BLOC1S5: variants seen among roughly 807,000 people sequenced by gnomAD.
The protein encoded by BLOC1S5 is biogenesis of lysosome-related organelles complex 1 subunit 5.
BLOC1S5 carries 27 observed loss-of-function variants against 24.3 expected under a neutral mutation model. The ratio of observed to expected loss-of-function variants is 1.11; its 90% CI spans 0.82 to 1.53. BLOC1S5 has a LOEUF of 1.53. Among genes scored for constraint, BLOC1S5 ranks in the 40% most tolerant of loss-of-function variants. The pLI is 0.00. For synonymous variants in BLOC1S5, 84 were observed against 74.5 expected (o/e 1.13, Z -0.66); for missense variants, 239 against 229.4 (o/e 1.04, Z -0.27).
chr6:8,029,262 T>A (rs1763210132), intron 3 of BLOC1S5, among the ~76,000 whole-genome samples: 1 of 152,132 alleles, frequency 6.6e-6, no homozygotes, highest in Non-Finnish European at 1.5e-5. Context: ...AACATGAGGA[T>A]AAGACAGTTC....
chr6:8,027,590 C>G lies in BLOC1S5; in HGVS notation c.326-1165G>C, dbSNP rs575560107. Among the ~76,000 whole-genome samples the G allele has an allele frequency of 2.6e-5, 4 of 152,262 alleles. No homozygotes were observed. In the East Asian group the frequency reaches 7.7e-4, roughly 29 times the overall value. ...GGCTCACGCCTGTAATCCCAGCACT[C>G]TGGGAGGCCGTGGCGGGCAGATCAC... On this transcript the variant is annotated intron_variant, in intron 3 of 4. Coordinates refer to ENST00000397457, the MANE Select transcript of BLOC1S5 (RefSeq NM_201280.3).
intron 2 of BLOC1S5, among the ~76,000 whole-genome samples, chr6:8,047,741 T>A (rs896279039): frequency 6.6e-6 from 1 of 152,230 alleles, no homozygotes; most frequent in African/African-American, 2.4e-5. Context: ...TTCCTGTAAA[T>A]TAGTCGTTAG....
At position 8,062,542 on chromosome 6, in the gene BLOC1S5, C is replaced by CT. The variant is rs769005312; in HGVS notation, c.186dup (p.Glu63ArgfsTer3). 2.5e-6 allele frequency: 4 copies of CT among 1,580,248 alleles called. No homozygotes were observed. Among genetic ancestry groups the CT allele is most frequent in the Non-Finnish European group, 3.5e-6 (4 of 1,155,482 alleles). On this transcript the variant is annotated frameshift_variant, in exon 2 of 5. Coordinates refer to ENST00000397457, the MANE Select transcript of BLOC1S5 (RefSeq NM_201280.3). LOFTEE classifies it high-confidence loss of function. ...TAAGTTTAAATACTCACTTCAAATT[C>CT]TTTTACAAAATAACGAGTTTCACCT...
chr6:8,039,422 A>G (rs963937049), intron 3 of BLOC1S5, among the ~76,000 whole-genome samples: 3 of 152,206 alleles, frequency 2.0e-5, no homozygotes, highest in African/African-American at 7.2e-5. Context: ...ATATAATTCA[A>G]AATAGCTAGA....
At chr6:8,049,998 C>T (rs990657693) in intron 2 of BLOC1S5, among the ~76,000 whole-genome samples, 28 of 152,156 alleles carry the variant, frequency 1.8e-4, no homozygotes, top group African/African-American at 6.0e-4. Context: ...AGGTGTGAGC[C>T]ACTGTGTCCG....
chr6:8,037,315 T>C lies in BLOC1S5; in HGVS notation c.325+3824A>G, dbSNP rs1159343523. On this transcript the variant is annotated intron_variant, in intron 3 of 4. Transcript: ENST00000397457. ...AAATCAACATACAAAATCCATAGCA[T>C]TTATATATGCCAACAGCAAGCAATC... 2.0e-5 allele frequency among the ~76,000 whole-genome samples: 3 copies of C among 152,184 alleles called. No homozygotes were observed. The East Asian group carries it at 5.8e-4, about 29-fold the overall frequency.
chr6:8,035,009 G>C (rs1763439250), intron 3 of BLOC1S5, among the ~76,000 whole-genome samples: 1 of 151,910 alleles, frequency 6.6e-6, no homozygotes, highest in African/African-American at 2.4e-5. Context: ...ATACTATTCA[G>C]CCATAAAAAG....
chr6:8,054,852 T>C lies in BLOC1S5; in HGVS notation c.195+7682A>G, dbSNP rs866669471. 2.6e-5 allele frequency among the ~76,000 whole-genome samples: 4 copies of C among 152,304 alleles called. No individual in the cohort carries two copies. The South Asian group carries it at 6.2e-4, about 24-fold the overall frequency. ...TTGTATTTATATTTGCTCTATTACA[T>C]CGCTTTGGTCTTTTTTCTAGTGGCT... On this transcript the variant is annotated intron_variant, in intron 2 of 4. Transcript: ENST00000397457.
chr6:8,019,802 G>A (rs1459225928), intron 4 of BLOC1S5, among the ~76,000 whole-genome samples: 1 of 152,172 alleles, frequency 6.6e-6, no homozygotes, highest in Non-Finnish European at 1.5e-5. Flanking sequence ...TTCTGATTCC[G>A]AGCCTACTTG....
At chr6:8,016,325 C>CAAAA (rs546943980) in intron 4 of BLOC1S5, among the ~76,000 whole-genome samples, 28 of 140,648 alleles carry the variant, frequency 2.0e-4, no homozygotes, top group African/African-American at 3.8e-4. Context: ...GACTCCGTCT[C>CAAAA]AAAAAAAAAA....
intron 4 of BLOC1S5, 64 bp from the exon 5 acceptor site, chr6:8,015,892 CTT>C: frequency 1.4e-6 from 2 of 1,414,354 alleles, no homozygotes; most frequent in Non-Finnish European, 1.9e-6. Flanking sequence ...AACGTTATCT[CTT>C]GATACTTGGT....
intron 2 of BLOC1S5, among the ~76,000 whole-genome samples, chr6:8,049,859 A>G (rs957740162): frequency 6.6e-6 from 1 of 151,952 alleles, no homozygotes; most frequent in Non-Finnish European, 1.5e-5. Context: ...AACAGGCACA[A>G]GCCACTATGC....
chr6:8,025,597 C>T (rs1763075871), intron 4 of BLOC1S5, among the ~76,000 whole-genome samples: 1 of 152,172 alleles, frequency 6.6e-6, no homozygotes, highest in South Asian at 2.1e-4. Context: ...AACTGAAACT[C>T]TGAGAAGGTT....
chr6:8,058,536 C>T (rs1394039865), intron 2 of BLOC1S5, among the ~76,000 whole-genome samples: 1 of 152,066 alleles, frequency 6.6e-6, no homozygotes, highest in Non-Finnish European at 1.5e-5. Flanking sequence ...GAGAAGGGAG[C>T]TATGCAGCTC....
At chr6:8,032,277 A>G (rs1763325364) in intron 3 of BLOC1S5, among the ~76,000 whole-genome samples, 1 of 152,172 alleles carries the variant, frequency 6.6e-6, no homozygotes, top group Non-Finnish European at 1.5e-5. Context: ...AGAGAAAAAC[A>G]ATGCCATCAA....
chr6:8,051,387 A>G (rs1764100689), intron 2 of BLOC1S5, among the ~76,000 whole-genome samples: 1 of 152,188 alleles, frequency 6.6e-6, no homozygotes, highest in Non-Finnish European at 1.5e-5. Flanking sequence ...AAGCTGCAGA[A>G]GGAAGGTTTG....
chr6:8,048,456 C>G (rs1454276585), intron 2 of BLOC1S5, among the ~76,000 whole-genome samples: 4 of 152,092 alleles, frequency 2.6e-5, no homozygotes, highest in Non-Finnish European at 1.5e-5. Flanking sequence ...ATAGATATAT[C>G]TTGAGTTCAT....
At position 8,014,824 on chromosome 6, in the gene BLOC1S5, A is replaced by G. The variant is rs1762682292; in HGVS notation, c.*825T>C. On this transcript the variant is annotated 3_prime_UTR_variant, in exon 5 of 5. Coordinates refer to ENST00000397457, the MANE Select transcript of BLOC1S5 (RefSeq NM_201280.3). ...TTAAACAGTCGAAACATGTATAGAC[A>G]TTATTTATCTTATAAAGCTTACCCA... is the stretch of plus-strand genomic sequence containing the variant. 1 of 152,558 alleles carries G rather than the reference A, an allele frequency of 6.6e-6. No homozygotes were observed. The highest frequency in any genetic ancestry group is 2.1e-4 in the South Asian group (1 of 4,830). The allele number at this position is 152,558 out of a possible 1,614,324, so 9.5% of individuals were successfully genotyped here.
At chr6:8,052,449 G>C (rs1385023419) in intron 2 of BLOC1S5, among the ~76,000 whole-genome samples, 1 of 152,168 alleles carries the variant, frequency 6.6e-6, no homozygotes, top group Non-Finnish European at 1.5e-5. Flanking sequence ...GAACATTAAT[G>C]ATTCATGGGA....
Sources: gnomAD v4.1 joint callset for allele counts (sites outside exome capture counted in the v4.1 genomes callset) on GRCh38, gnomAD v4.1.1 for gene constraint, MANE v1.5 for transcripts, NCBI Gene and HGNC (gene_info 2026-07-23, HGNC 2026-07-21) for gene names.